SPTBN5: variants seen among roughly 807,000 people sequenced by gnomAD.
SPTBN5 encodes the protein spectrin beta, non-erythrocytic 5.
SPTBN5 carries 513 observed loss-of-function variants against 477.6 expected under a neutral mutation model. The ratio of observed to expected loss-of-function variants is 1.07; its 90% confidence interval spans 1.00 to 1.16. The LOEUF (loss-of-function observed/expected upper bound fraction) is 1.16, where lower values mean the gene tolerates loss of function less well. Among genes scored for constraint, SPTBN5 ranks in the 50% most tolerant of loss-of-function variants. SPTBN5 has a pLI of 0.00. For missense variants in SPTBN5, 5,062 were observed against 4,731.8 expected (o/e 1.07, Z -2.05); for synonymous variants, 2,169 against 2,011.7 (o/e 1.08, Z -2.09).
At position 41,878,412 on chromosome 15, in the gene SPTBN5, CA is replaced by C. The variant is rs1257040103; in HGVS notation, c.3399del (p.Asp1133GlufsTer9). ...AQLRSKEVSV[D>X]VASAQRLLRE... Reference sequence around the variant, plus strand: ...CTCAGCAGCCGCTGAGCCGAGGCCACATCCACTGACACCTCCTTGCTGCGCA... The same window carrying C: ...CTCAGCAGCCGCTGAGCCGAGGCCACTCCACTGACACCTCCTTGCTGCGCA... On this transcript the variant is annotated frameshift_variant, in exon 17 of 68. Transcript: ENST00000320955. LOFTEE classifies it high-confidence loss of function. 1.2e-6 allele frequency: 2 copies of C among 1,613,814 alleles called. No individual in the cohort carries two copies. Among genetic ancestry groups the C allele is most frequent in the Non-Finnish European group, 1.7e-6 (2 of 1,179,896 alleles).
intron 39 of SPTBN5, among the ~76,000 whole-genome samples, chr15:41,864,811 T>C (rs2066242057): frequency 6.6e-6 from 1 of 152,222 alleles, no homozygotes; most frequent in Admixed American, 6.5e-5. Flanking sequence ...CAGGGTGTGA[T>C]TGCAGATCTC....
In SPTBN5 at chr15:41,881,993, C is replaced by T. The variant is rs1242704787; in HGVS notation, c.2400G>A (p.Glu800=). ...LERVLRAFAA[E]LRRLEEQGRA... The stretch of plus-strand genomic sequence containing the variant: ...GCCCCTGCTCCTCCAGCCGCCGCAG[C>T]TCGGCCGCGAAGGCGCGCAGGACGC... The change falls in exon 12 of 68, where the codon GAG becomes GAA. Residue 800 remains glutamate, a synonymous_variant. Transcript: ENST00000320955. The T allele has an allele frequency of 2.0e-6, 3 of 1,537,222 alleles. No homozygotes were observed. Among genetic ancestry groups the T allele is most frequent in the Non-Finnish European group, 2.6e-6 (3 of 1,151,184 alleles).
At chr15:41,863,341 G>A (rs1022830893) in intron 41 of SPTBN5, among the ~76,000 whole-genome samples, 5 of 152,196 alleles carry the variant, frequency 3.3e-5, no homozygotes, top group African/African-American at 1.2e-4. Flanking sequence ...GGGGCTCTGT[G>A]GTTATGTACA....
intron 63 of SPTBN5, among the ~76,000 whole-genome samples, 196 bp downstream of exon 63, chr15:41,851,583 G>GCGGC (rs771934985): frequency 2.7e-5 from 4 of 149,354 alleles, no homozygotes; most frequent in African/African-American, 7.4e-5. Flanking sequence ...GCACCTCCTG[G>GCGGC]TGGGGGTGGG....
At chr15:41,876,332 G>A (rs1354319176) in intron 20 of SPTBN5, 48 bp from the exon 21 acceptor site, 9 of 1,495,876 alleles carry the variant, frequency 6.0e-6, no homozygotes, top group East Asian at 2.5e-5. Flanking sequence ...GTGGGTGGGG[G>A]CTGGTGCCTA....
rs557020778 is a variant in SPTBN5 at position 41,849,086 on chromosome 15, C to T, written c.11013-458G>A. ...GCACACGGCTGTATATGCGTGTGCACATCTAGGCACATCCTGGCATGGGGC... is the reference window on the plus strand; with the variant it reads ...GCACACGGCTGTATATGCGTGTGCATATCTAGGCACATCCTGGCATGGGGC... On this transcript the variant is annotated intron_variant, in intron 67 of 67. Transcript: ENST00000320955. 7.2e-4 allele frequency among the ~76,000 whole-genome samples: 109 copies of T among 152,340 alleles called. 3 individuals carry two copies. In the South Asian group the frequency reaches 0.022, roughly 31 times the overall value.
At chr15:41,852,770 G>T (rs776093080) in intron 60 of SPTBN5, 35 bp from the exon 61 acceptor site, 42 of 864,706 alleles carry the variant, frequency 4.9e-5, no homozygotes, top group Middle Eastern at 4.6e-4. Flanking sequence ...CGCCCAGCTT[G>T]GGGGGGGGGG....
At chr15:41,868,768 C>T (rs547235928) in intron 32 of SPTBN5, among the ~76,000 whole-genome samples, 167 bp from the exon 33 acceptor site, 1 of 152,300 alleles carries the variant, frequency 6.6e-6, no homozygotes, top group African/African-American at 2.4e-5. Flanking sequence ...TTGGTTTCTC[C>T]GTTCTCATCC....
chr15:41,881,871 C>T lies in SPTBN5; in HGVS notation c.2457+65G>A, dbSNP rs546392361. 30 of 1,437,850 alleles carry T rather than the reference C, an allele frequency of 2.1e-5. No individual in the cohort carries two copies. The South Asian group carries it at 3.9e-4, about 19-fold the overall frequency. 89.1% of individuals were successfully genotyped at this position (1,437,850 alleles called of 1,614,324 possible). ...CCACAAAGGCCCTCCCATTTTTGTC[C>T]TCTGTGTGGCCCAGCCGCGGTGGAG... On this transcript the variant is annotated intron_variant, in intron 12 of 67. Coordinates refer to ENST00000320955, the MANE Select transcript of SPTBN5 (RefSeq NM_016642.4).
Position 41,876,838 on chromosome 15 carries a change from C to A in SPTBN5, c.3822G>T (p.Leu1274=). 6.2e-7 allele frequency: 1 copy of A among 1,610,524 alleles called. No individual in the cohort carries two copies. The change falls in exon 19 of 68, where the codon CTG becomes CTT. Residue 1274 remains leucine, a synonymous_variant. Transcript: ENST00000320955. ...AEALRAHGEK[L]VQSQHPAAHT... is the part of the protein sequence containing the mutation. ...GTGCAGCTGGGTGCTGGCTCTGAACCAGCTTCTCGCCGTGTGCCCGCAGAG... is the reference window on the plus strand; with the variant it reads ...GTGCAGCTGGGTGCTGGCTCTGAACAAGCTTCTCGCCGTGTGCCCGCAGAG...
chr15:41,892,493 C>T (rs2067342230), intron 3 of SPTBN5, among the ~76,000 whole-genome samples: 1 of 152,208 alleles, frequency 6.6e-6, no homozygotes, highest in Non-Finnish European at 1.5e-5. Context: ...CCGTCTTAGT[C>T]CCACATCTGG....
At chr15:41,855,018 T>G (rs889406594) in intron 55 of SPTBN5, 42 bp from the exon 56 acceptor site, 6 of 1,502,282 alleles carry the variant, frequency 4.0e-6, no homozygotes, top group African/African-American at 1.4e-5. Flanking sequence ...TGAGATGGTA[T>G]CATGAGCTCT....
chr15:41,871,578 C>G (rs2066538270), intron 28 of SPTBN5, 58 bp from the exon 29 acceptor site: 1 of 1,409,972 alleles, frequency 7.1e-7, no homozygotes, highest in South Asian at 1.6e-5. Flanking sequence ...GTCAAGCAGC[C>G]TGGGAATCGA....
intron 22 of SPTBN5, 111 bp downstream of exon 22, chr15:41,875,347 G>A (rs899054070): frequency 1.7e-5 from 22 of 1,324,266 alleles, no homozygotes; most frequent in Non-Finnish European, 2.2e-5. Flanking sequence ...GAAGCCTCCA[G>A]AGGCTGCAGA....
intron 7 of SPTBN5, among the ~76,000 whole-genome samples, chr15:41,885,453 C>T (rs2067117587): frequency 6.6e-6 from 1 of 152,220 alleles, no homozygotes; most frequent in African/African-American, 2.4e-5. Flanking sequence ...AAATCTCCAG[C>T]ACCTAGCACA....
chr15:41,879,793 C>T lies in SPTBN5; in HGVS notation c.2883G>A (p.Arg961=), dbSNP rs1479788916. The T allele has an allele frequency of 4.3e-6, 7 of 1,613,980 alleles. No homozygotes were observed. Among genetic ancestry groups the T allele is most frequent in the East Asian group, 2.2e-5 (1 of 44,888 alleles). ...AEVSSSAEQL[R]QRYPGNSTQI... is the part of the protein sequence containing the mutation. The stretch of plus-strand genomic sequence containing the variant: ...GTGTGGAGTTCCCAGGATATCTCTG[C>T]CTCAGTTGCTCAGCAGAGCTGCTGA... Residue 961 remains arginine (R), a synonymous_variant, in exon 15 of 68, where the codon AGG becomes AGA. Transcript: ENST00000320955.
At chr15:41,890,039 C>T in intron 4 of SPTBN5, 50 bp downstream of exon 4, 1 of 1,269,438 alleles carries the variant, frequency 7.9e-7, no homozygotes, top group Non-Finnish European at 1.1e-6. Flanking sequence ...GAGGTGAGGC[C>T]AGGGCTGGGC....
intron 17 of SPTBN5, 31 bp from the exon 18 acceptor site, chr15:41,877,387 C>T: frequency 1.3e-6 from 2 of 1,593,542 alleles, no homozygotes; most frequent in African/African-American, 1.3e-5. Context: ...AGAGTCAAAC[C>T]CCAGCAGGCT....
intron 31 of SPTBN5, 84 bp from the exon 32 acceptor site, chr15:41,870,104 G>T (rs2066481335): frequency 1.4e-6 from 2 of 1,446,324 alleles, no homozygotes; most frequent in Non-Finnish European, 1.8e-6. Flanking sequence ...GGGAACTCTG[G>T]CCCCCTTGGG....
Sources: allele counts gnomAD v4.1 joint callset (sites outside exome capture counted in the v4.1 genomes callset), GRCh38; gene constraint gnomAD v4.1.1; transcripts MANE v1.5; gene names NCBI Gene and HGNC (gene_info 2026-07-23, HGNC 2026-07-21).